The following SVIL variants were observed in gnomAD, a reference collection of about 807,000 sequenced individuals.
SVIL encodes the protein supervillin.
Under a neutral mutation model 240.4 loss-of-function variants are expected in SVIL, and 101 were observed. The observed-to-expected ratio is 0.42, with a 90% CI of 0.36 to 0.50. The LOEUF (loss-of-function observed/expected upper bound fraction) is 0.50, where lower values mean the gene tolerates loss of function less well. Ranked by LOEUF, SVIL falls within the 20% of genes least tolerant of loss-of-function variation. The pLI is 0.01. For synonymous variants in SVIL, 999 were observed against 1,100.0 expected (o/e 0.91, Z 1.82); for missense variants, 2,512 against 2,818.7 (o/e 0.89, Z 2.46).
chr10:29,536,136 C>T (rs2132580001), intron 6 of SVIL, 67 bp from the exon 7 acceptor site: 1 of 1,475,570 alleles, frequency 6.8e-7, no homozygotes, highest in Non-Finnish European at 9.4e-7. Flanking sequence ...CAGACTTTAC[C>T]ATAACTTAAA....
intron 1 of SVIL, among the ~76,000 whole-genome samples, chr10:29,619,785 G>A (rs1957560751): frequency 6.6e-6 from 1 of 152,210 alleles, no homozygotes; most frequent in Non-Finnish European, 1.5e-5. Flanking sequence ...AAACTCGATT[G>A]TCATGTACTC....
At chr10:29,710,694 C>G (rs539396703) in intron 1 of SVIL, among the ~76,000 whole-genome samples, 1 of 152,172 alleles carries the variant, frequency 6.6e-6, no homozygotes, top group African/African-American at 2.4e-5. Context: ...AACAATATAG[C>G]AAGATTTTTG....
intron 3 of SVIL, among the ~76,000 whole-genome samples, chr10:29,640,147 TC>T (rs892125782): frequency 6.6e-5 from 10 of 151,992 alleles, no homozygotes; most frequent in Admixed American, 6.6e-4. Context: ...CTGTCTCCTC[TC>T]CCCCAGCCCC....
chr10:29,572,732 C>T (rs1273564063), intron 1 of SVIL, among the ~76,000 whole-genome samples: 1 of 139,006 alleles, frequency 7.2e-6, no homozygotes, highest in Non-Finnish European at 1.5e-5. Flanking sequence ...CCACTGCACT[C>T]CTGCCTAGGC....
chr10:29,598,829 G>A (rs1434213032), intron 1 of SVIL, among the ~76,000 whole-genome samples: 3 of 152,210 alleles, frequency 2.0e-5, no homozygotes, highest in Non-Finnish European at 4.4e-5. Context: ...CAGCGGCTGT[G>A]TAGATGCTGG....
intron 3 of SVIL, among the ~76,000 whole-genome samples, chr10:29,559,679 T>C (rs2077378797): frequency 6.6e-6 from 1 of 152,216 alleles, no homozygotes; most frequent in Admixed American, 6.5e-5. Context: ...TGTCCCTTAT[T>C]TTACCTGCTA....
chr10:29,458,755 A>G (rs1943867790), intron 36 of SVIL, 166 bp from the exon 37 acceptor site: 1 of 624,550 alleles, frequency 1.6e-6, no homozygotes, highest in East Asian at 3.2e-5. Context: ...GGATCGCCCA[A>G]AGCCCTGCAG....
intron 2 of SVIL, among the ~76,000 whole-genome samples, chr10:29,674,958 A>G (rs7098565): frequency 0.22 from 33,068 of 152,162 alleles, 3,992 homozygotes; most frequent in Middle Eastern, 0.35. Context: ...CGATTACAAA[A>G]GTCCCACCTG....
chr10:29,680,657 G>A (rs1304473257), intron 2 of SVIL, among the ~76,000 whole-genome samples: 2 of 152,198 alleles, frequency 1.3e-5, no homozygotes, highest in African/African-American at 2.4e-5. Context: ...AGTGGCTCAC[G>A]CCTGTAATCC....
intron 3 of SVIL, among the ~76,000 whole-genome samples, chr10:29,655,705 T>C (rs1028138733): frequency 2.5e-4 from 38 of 152,208 alleles, no homozygotes; most frequent in African/African-American, 8.9e-4. Context: ...TCACAAATAC[T>C]GAACAGAAGT....
chr10:29,718,300 T>G lies in SVIL; in HGVS notation c.-400+17451A>C, dbSNP rs999328044. Among the ~76,000 whole-genome samples the G allele has an allele frequency of 2.0e-5, 3 of 151,178 alleles. No homozygotes were observed. The South Asian group carries it at 6.3e-4, about 32-fold the overall frequency. Reference sequence around the variant, plus strand: ...GAGATCGCGCCACTGCACTCCAGCCTGGGCAACAGAGCAAGACTCCGTCTC... The same window carrying G: ...GAGATCGCGCCACTGCACTCCAGCCGGGGCAACAGAGCAAGACTCCGTCTC... On this transcript the variant is annotated intron_variant, in intron 1 of 35. Transcript: ENST00000375400.
intron 1 of SVIL, among the ~76,000 whole-genome samples, chr10:29,690,922 G>GT (rs1961448126): frequency 6.6e-6 from 1 of 152,092 alleles, no homozygotes; most frequent in African/African-American, 2.4e-5. Context: ...ACGTTCAAAT[G>GT]TTTTTTATAT....
intron 3 of SVIL, among the ~76,000 whole-genome samples, chr10:29,561,332 AGG>A (rs1954452835): frequency 1.3e-5 from 2 of 152,096 alleles, no homozygotes; most frequent in South Asian, 4.2e-4. Flanking sequence ...TTGAACCTTA[AGG>A]AACCCAGCAT....
In SVIL at chr10:29,495,083, G is replaced by T. The variant is rs1478672231; in HGVS notation, c.3754+9C>A. ...ACTGCTTGGCGTGGCCGGGGCCTTG[G>T]CGACTTACCTTCCAGGGGTTTGGAA... On this transcript the variant is annotated intron_variant, in intron 19 of 37. Coordinates refer to ENST00000355867, the MANE Select transcript of SVIL (RefSeq NM_021738.3). 2 of 1,600,368 alleles carry T rather than the reference G, an allele frequency of 1.2e-6. No individual in the cohort carries two copies. The highest frequency in any genetic ancestry group is 1.7e-6 in the Non-Finnish European group (2 of 1,173,650).
chr10:29,476,449 G>C (rs995514838), intron 29 of SVIL, among the ~76,000 whole-genome samples: 2 of 152,168 alleles, frequency 1.3e-5, no homozygotes, highest in African/African-American at 4.8e-5. Context: ...GTCTTGCTCT[G>C]TTGCCCAGGT....
intron 1 of SVIL, among the ~76,000 whole-genome samples, chr10:29,726,293 G>C (rs957497356): frequency 3.3e-5 from 5 of 152,242 alleles, no homozygotes; most frequent in African/African-American, 1.2e-4. Flanking sequence ...AGATAGGGAT[G>C]GTTAGAGGAG....
At chr10:29,688,322 G>T (rs139775345) in intron 1 of SVIL, among the ~76,000 whole-genome samples, 1 of 152,214 alleles carries the variant, frequency 6.6e-6, no homozygotes, top group Non-Finnish European at 1.5e-5. Flanking sequence ...CCAGTGCAAC[G>T]TCAGAAGCCA....
rs1182548097 is a variant in SVIL at position 29,529,787 on chromosome 10, C to T, written c.2164G>A (p.Ala722Thr). The T allele has an allele frequency of 1.9e-6, 3 of 1,613,576 alleles. No individual in the cohort carries two copies. The highest frequency in any genetic ancestry group is 1.3e-5 in the African/African-American group (1 of 74,878). The part of the protein sequence containing the change: ...NVPKRRSRNT[A>T]VEQRLRRLQD... ...AGACGGCGTAGCCTCTGCTCCACAG[C>T]TGTGTTTCTTGAGCGTCGCTTTGGA... The change falls in exon 12 of 38, where the codon GCT becomes ACT. Residue 722 changes from alanine to threonine, a missense_variant. By Grantham distance (58) the Ala-to-Thr change is moderately conservative (BLOSUM62 0). This residue lies in a region of SVIL where 1,443 missense variants were observed against 1,486.6 expected (regional missense o/e 0.97). Coordinates refer to ENST00000355867, the MANE Select transcript of SVIL (RefSeq NM_021738.3).
chr10:29,647,794 C>T (rs1329432853), intron 3 of SVIL, among the ~76,000 whole-genome samples: 4 of 152,080 alleles, frequency 2.6e-5, no homozygotes, highest in East Asian at 1.9e-4. Flanking sequence ...CAAAAGGTCA[C>T]GAAGAAAGAG....
Sources: allele counts gnomAD v4.1 joint callset (sites outside exome capture counted in the v4.1 genomes callset), GRCh38; gene constraint gnomAD v4.1.1; regional missense constraint gnomAD v4.1.1; transcripts MANE v1.5; gene names NCBI Gene and HGNC (gene_info 2026-07-23, HGNC 2026-07-21).